The following GALNTL6 variants were observed in gnomAD, a reference collection of about 807,000 sequenced individuals.
GALNTL6 encodes the protein polypeptide N-acetylgalactosaminyltransferase-like 6.
In GALNTL6, 46 loss-of-function variants were observed where a neutral mutation model predicts 73.7. The observed-to-expected ratio is 0.62, with a 90% CI of 0.49 to 0.80. GALNTL6 has a LOEUF of 0.80. Among genes scored for constraint, GALNTL6 ranks in the 30% least tolerant of loss-of-function variants. The probability of loss-of-function intolerance (pLI) is 0.00; values close to 1 mark genes in which losing one functional copy is unlikely to be tolerated. For missense variants in GALNTL6, 604 were observed against 755.0 expected (o/e 0.80, Z 2.34); for synonymous variants, 259 against 263.7 (o/e 0.98, Z 0.17).
intron 2 of GALNTL6, among the ~76,000 whole-genome samples, chr4:172,103,318 C>T (rs551949120): frequency 3.2e-4 from 49 of 152,226 alleles, no homozygotes; most frequent in Non-Finnish European, 6.2e-4. Context: ...GATTTTATGT[C>T]GTATTAATCT....
At chr4:172,810,857 A>G (rs571235016) in intron 6 of GALNTL6, among the ~76,000 whole-genome samples, 25 of 152,274 alleles carry the variant, frequency 1.6e-4, no homozygotes, top group African/African-American at 5.3e-4. Context: ...TTTGACCTAT[A>G]TGGTGTTGAA....
chr4:172,866,603 C>T (rs1744677094), intron 7 of GALNTL6, among the ~76,000 whole-genome samples: 1 of 152,210 alleles, frequency 6.6e-6, no homozygotes, highest in African/African-American at 2.4e-5. Flanking sequence ...CTCAGCATTA[C>T]ACACGGTCCC....
At chr4:172,518,418 T>C (rs1734675839) in intron 5 of GALNTL6, among the ~76,000 whole-genome samples, 1 of 151,946 alleles carries the variant, frequency 6.6e-6, no homozygotes, top group African/African-American at 2.4e-5. Context: ...TGAAGGCTTA[T>C]TCATTTCACA....
At chr4:172,172,322 C>T (rs1734856572) in intron 2 of GALNTL6, among the ~76,000 whole-genome samples, 1 of 152,072 alleles carries the variant, frequency 6.6e-6, no homozygotes, top group African/African-American at 2.4e-5. Flanking sequence ...CTCAGCCTCT[C>T]AGGTAGCTGG....
At chr4:172,130,669 G>T (rs1340311863) in intron 2 of GALNTL6, among the ~76,000 whole-genome samples, 6 of 151,970 alleles carry the variant, frequency 3.9e-5, no homozygotes, top group African/African-American at 1.4e-4. Context: ...GCCATTTGTT[G>T]TTAGAAACTG....
intron 2 of GALNTL6, among the ~76,000 whole-genome samples, chr4:172,191,598 T>G (rs1361127744): frequency 6.6e-6 from 1 of 152,216 alleles, no homozygotes; most frequent in East Asian, 1.9e-4. Flanking sequence ...ATGCATGACT[T>G]AATGTCCCCA....
chr4:172,838,858 G>A (rs943459390), intron 7 of GALNTL6, among the ~76,000 whole-genome samples: 2 of 152,138 alleles, frequency 1.3e-5, no homozygotes, highest in African/African-American at 4.8e-5. Flanking sequence ...TAAATTCGCA[G>A]GTAATCAGGT....
intron 5 of GALNTL6, among the ~76,000 whole-genome samples, chr4:172,793,833 G>A (rs1740122242): frequency 6.6e-6 from 1 of 152,152 alleles, no homozygotes; most frequent in South Asian, 2.1e-4. Flanking sequence ...AGTCAAGCTT[G>A]CACAGGCAAC....
chr4:172,027,542 G>C (rs539474842), intron 2 of GALNTL6, among the ~76,000 whole-genome samples: 1 of 151,990 alleles, frequency 6.6e-6, no homozygotes, highest in African/African-American at 2.4e-5. Context: ...CTCTCTTCAG[G>C]CCTCCCTATT....
intron 2 of GALNTL6, among the ~76,000 whole-genome samples, chr4:172,001,238 C>A (rs1740662955): frequency 6.6e-6 from 1 of 152,050 alleles, no homozygotes; most frequent in African/African-American, 2.4e-5. Flanking sequence ...GTTATCATCC[C>A]AACTATATCC....
chr4:172,650,906 C>T (rs1740445942), intron 5 of GALNTL6, among the ~76,000 whole-genome samples: 2 of 152,124 alleles, frequency 1.3e-5, no homozygotes, highest in South Asian at 4.1e-4. Context: ...TGTAAGAAAG[C>T]ATGATATCAT....
At chr4:172,725,291 A>G (rs775388565) in intron 5 of GALNTL6, among the ~76,000 whole-genome samples, 1 of 152,214 alleles carries the variant, frequency 6.6e-6, no homozygotes, top group Admixed American at 6.5e-5. Context: ...TCCTAGTACT[A>G]AGTATTTTGG....
At chr4:172,558,456 G>A (rs1310287819) in intron 5 of GALNTL6, among the ~76,000 whole-genome samples, 1 of 152,090 alleles carries the variant, frequency 6.6e-6, no homozygotes, top group African/African-American at 2.4e-5. Context: ...TAAGACTGGT[G>A]TCCTTACAAG....
At chr4:173,026,749 A>G (rs1221109936) in intron 12 of GALNTL6, among the ~76,000 whole-genome samples, 18 of 152,140 alleles carry the variant, frequency 1.2e-4, no homozygotes, top group Admixed American at 9.8e-4. Context: ...TTTTTTCTAT[A>G]TATAAGTGCC....
At chr4:172,208,740 A>G (rs906714516) in intron 2 of GALNTL6, among the ~76,000 whole-genome samples, 4 of 152,124 alleles carry the variant, frequency 2.6e-5, no homozygotes, top group Non-Finnish European at 5.9e-5. Flanking sequence ...TTAAGATTGC[A>G]TTTTCCTGGT....
At chr4:172,578,080 TCATA>T (rs1737028405) in intron 5 of GALNTL6, among the ~76,000 whole-genome samples, 6 of 152,174 alleles carry the variant, frequency 3.9e-5, no homozygotes, top group Admixed American at 3.9e-4. Flanking sequence ...CAGAAGAGAC[TCATA>T]TTGAAACTGA....
At chr4:172,331,798 C>G (rs1276526148) in intron 4 of GALNTL6, among the ~76,000 whole-genome samples, 1 of 152,124 alleles carries the variant, frequency 6.6e-6, no homozygotes, top group Non-Finnish European at 1.5e-5. Flanking sequence ...ATTTGGGTTT[C>G]TTCCATACTT....
intron 7 of GALNTL6, among the ~76,000 whole-genome samples, chr4:172,832,080 G>C (rs763027783): frequency 3.3e-5 from 5 of 152,120 alleles, no homozygotes; most frequent in Non-Finnish European, 7.3e-5. Flanking sequence ...CTTTCGGCAA[G>C]GATAAAGCCC....
Position 172,062,197 on chromosome 4 carries a change from G to A in GALNTL6, c.139-167459G>A, listed in dbSNP as rs189937757. On this transcript the variant is annotated intron_variant, in intron 2 of 12. Transcript: ENST00000506823. The stretch of plus-strand genomic sequence containing the variant: ...TCTTGAATTCCTGACCTCATGATCC[G>A]CCCGCCTTGGCCTCCCAAAGTGCTG... 1.9e-3 allele frequency among the ~76,000 whole-genome samples: 287 copies of A among 151,518 alleles called. 2 individuals carry two copies. Among genetic ancestry groups the A allele is most frequent in the Admixed American group, 6.1e-3 (93 of 15,206 alleles).
Sources: gnomAD v4.1 joint callset for allele counts (sites outside exome capture counted in the v4.1 genomes callset) on GRCh38, gnomAD v4.1.1 for gene constraint, MANE v1.5 for transcripts, NCBI Gene and HGNC (gene_info 2026-07-23, HGNC 2026-07-21) for gene names.